The following COLGALT1 variants were observed in gnomAD, a reference collection of about 807,000 sequenced individuals.
COLGALT1 encodes collagen beta(1-O)galactosyltransferase 1.
Under a neutral mutation model 60.8 loss-of-function variants are expected in COLGALT1, and 43 were observed. The observed-to-expected ratio is 0.71, with a 90% CI of 0.55 to 0.91. COLGALT1 has a LOEUF of 0.91. Among genes scored for constraint, COLGALT1 ranks in the 40% least tolerant of loss-of-function variants. The probability of loss-of-function intolerance (pLI) is 0.00; values close to 1 mark genes in which losing one functional copy is unlikely to be tolerated. For synonymous variants in COLGALT1, 369 were observed against 374.2 expected, an observed-to-expected ratio of 0.99 and a Z score of 0.16; for missense variants, 845 against 880.0, an observed-to-expected ratio of 0.96 and a Z score of 0.50.
intron 5 of COLGALT1, among the ~76,000 whole-genome samples, chr19:17,572,121 C>A (rs2076316270): frequency 6.6e-6 from 1 of 152,008 alleles, no homozygotes; most frequent in Non-Finnish European, 1.5e-5. Context: ...ACCATCCTGG[C>A]TAACATGATG....
intron 11 of COLGALT1, 94 bp downstream of exon 11, chr19:17,580,999 CTCT>C (rs1008827364): frequency 2.7e-6 from 4 of 1,487,946 alleles, no homozygotes; most frequent in African/African-American, 1.4e-5. Context: ...GAGAAGATGT[CTCT>C]TCTTTTGCCT....
At chr19:17,575,438 G>A (rs1676227473) in intron 6 of COLGALT1, among the ~76,000 whole-genome samples, 1 of 152,048 alleles carries the variant, frequency 6.6e-6, no homozygotes, top group South Asian at 2.1e-4. Flanking sequence ...TTGGAGATGG[G>A]GTTTCACTGT....
rs2076206764 is a variant in COLGALT1, at chr19:17,555,801, G to T, written c.88G>T (p.Ala30Ser). The T allele has an allele frequency of 2.4e-6, 3 of 1,251,658 alleles. No individual in the cohort carries two copies. The highest frequency in any genetic ancestry group is 2.0e-6 in the Non-Finnish European group (2 of 997,758). The allele number at this position is 1,251,658 out of a possible 1,614,324, so 77.5% of individuals were successfully genotyped here. A position where few individuals can be genotyped will look rare whatever the true frequency, so the allele number is the denominator to read the frequency against. The stretch of plus-strand genomic sequence containing the variant: ...GCTGCTGGCGCCACTGCCGCCGGGG[G>T]CCCCGCCGGGCGCCGACGCCTACTT... The part of the protein sequence containing the change: ...LLLLAPLPPG[A>S]PPGADAYFPE... The change falls in exon 1 of 12, where the codon GCC becomes TCC. Residue 30 changes from alanine (A) to serine (S), a missense_variant. Coordinates refer to ENST00000252599, the MANE Select transcript of COLGALT1 (RefSeq NM_024656.4).
chr19:17,577,869 A>G, intron 8 of COLGALT1, 88 bp from the exon 9 acceptor site: 2 of 1,521,914 alleles, frequency 1.3e-6, no homozygotes, highest in South Asian at 2.5e-5. Flanking sequence ...CAGCTGCTCA[A>G]CGCCGCAGGG....
chr19:17,577,280 G>A lies in COLGALT1; in HGVS notation c.1026+9G>A. 1 of 1,613,028 alleles carries A rather than the reference G, an allele frequency of 6.2e-7. No homozygotes were observed. Among genetic ancestry groups the A allele is most frequent in the Non-Finnish European group, 8.5e-7 (1 of 1,179,648 alleles). On this transcript the variant is annotated intron_variant, in intron 7 of 11. Coordinates refer to ENST00000252599, the MANE Select transcript of COLGALT1 (RefSeq NM_024656.4). ...AGATGGGCTTCGACGAGGTGAGCTG[G>A]GCCTTCCCTGGAGGCGGGGCGGGGG...
chr19:17,559,338 C>G lies in COLGALT1; in HGVS notation c.288C>G (p.Asn96Lys). The G allele has an allele frequency of 6.4e-7, 1 of 1,552,440 alleles. No individual in the cohort carries two copies. Among genetic ancestry groups the G allele is most frequent in the African/African-American group, 1.4e-5 (1 of 73,228 alleles). ...LWVATDHNMD[N>K]TSTVLREWLV... ...TGGCTACGGACCACAACATGGATAACACGTCAACTGTGCTGCGGGAGTGGC... is the reference window on the plus strand; with the variant it reads ...TGGCTACGGACCACAACATGGATAAGACGTCAACTGTGCTGCGGGAGTGGC... Residue 96 changes from asparagine (N) to lysine (K), a missense_variant, in exon 2 of 12, where the codon AAC becomes AAG. Transcript: ENST00000252599.
At position 17,555,760 on chromosome 19, in the gene COLGALT1, T is replaced by C. The variant is rs1465226468; in HGVS notation, c.47T>C (p.Leu16Pro). Residue 16 changes from leucine to proline, a missense_variant, in exon 1 of 12, where the codon CTG becomes CCG. Transcript: ENST00000252599. ...RAGRRRGQPL[L>P]ALLLLLLAPL... ...GGCCGGCGGCGCGGGCAGCCGCTCCTGGCGCTGCTGCTTCTGCTGCTGGCG... is the reference window on the plus strand; with the variant it reads ...GGCCGGCGGCGCGGGCAGCCGCTCCCGGCGCTGCTGCTTCTGCTGCTGGCG... 3.3e-6 allele frequency: 4 copies of C among 1,221,268 alleles called. No individual in the cohort carries two copies. The highest frequency in any genetic ancestry group is 4.1e-6 in the Non-Finnish European group (4 of 981,878). 75.7% of individuals were successfully genotyped at this position (1,221,268 alleles called of 1,614,324 possible). A position where few individuals can be genotyped will look rare whatever the true frequency, so the allele number is the denominator to read the frequency against.
chr19:17,577,134 G>A (rs1382879017), intron 6 of COLGALT1, 61 bp from the exon 7 acceptor site: 6 of 1,540,472 alleles, frequency 3.9e-6, no homozygotes, highest in African/African-American at 2.7e-5. Flanking sequence ...TGGGGAAAGC[G>A]TGTTGGAGAG....
intron 3 of COLGALT1, among the ~76,000 whole-genome samples, chr19:17,564,374 A>T (rs1279923629): frequency 6.6e-6 from 1 of 151,034 alleles, no homozygotes; most frequent in African/African-American, 2.4e-5. Flanking sequence ...TGTGTGTATA[A>T]TATAGATATA....
At chr19:17,577,851 A>C in intron 8 of COLGALT1, 106 bp from the exon 9 acceptor site, 1 of 1,450,264 alleles carries the variant, frequency 6.9e-7, no homozygotes, top group Non-Finnish European at 9.3e-7. Flanking sequence ...GTGCTACAAG[A>C]GGTGGACCAG....
chr19:17,564,779 T>C (rs1020523571), intron 3 of COLGALT1, among the ~76,000 whole-genome samples: 1 of 152,120 alleles, frequency 6.6e-6, no homozygotes, highest in African/African-American at 2.4e-5. Context: ...TTGTTTGTTT[T>C]AATTGAAGTC....
intron 10 of COLGALT1, chr19:17,579,901 G>C (rs572233441): frequency 1.5e-5 from 6 of 404,044 alleles, no homozygotes; most frequent in African/African-American, 4.0e-5. Context: ...CCTTGGAAGC[G>C]TAGCAGGAGG....
rs372215750 is a variant in COLGALT1 at position 17,578,013 on chromosome 19, G to C, written c.1190G>C (p.Arg397Pro). ...ALGIQMLPGY[R>P]DPYHGRPLTK... is the part of the protein sequence containing the mutation. ...GGGATCCAGATGCTGCCTGGCTACC[G>C]GGACCCCTACCACGGCCGGCCCCTC... The change falls in exon 9 of 12, where the codon CGG becomes CCG. Residue 397 changes from arginine to proline, a missense_variant. Arg to Pro is a moderately radical substitution (Grantham distance 103, BLOSUM62 -2). Transcript: ENST00000252599. 1.9e-6 allele frequency: 3 copies of C among 1,612,014 alleles called. No individual in the cohort carries two copies. Among genetic ancestry groups the C allele is most frequent in the Non-Finnish European group, 2.5e-6 (3 of 1,179,354 alleles).
Position 17,581,337 on chromosome 19 carries a change from C to T in COLGALT1, c.1762C>T (p.Arg588Cys), listed in dbSNP as rs151059482. ...TGAGCACGTCAAGACCGACTGGGAC[C>T]GCGCCAAGTCCCAGAAGATGCGGGA... ...NNEHVKTDWDRAKSQKMREQQ... is the reference protein window; with the variant it reads ...NNEHVKTDWDCAKSQKMREQQ... The change falls in exon 12 of 12, where the codon CGC (arginine) becomes TGC (cysteine). Residue 588 changes from arginine to cysteine, a missense_variant. Physicochemically the swap from Arg to Cys is radical, Grantham distance 180. Coordinates refer to ENST00000252599, the MANE Select transcript of COLGALT1 (RefSeq NM_024656.4). The T allele has an allele frequency of 3.0e-4, 484 of 1,613,502 alleles. 1 individual carries two copies. Among genetic ancestry groups the T allele is most frequent in the Admixed American group, 9.7e-4 (58 of 59,994 alleles).
At chr19:17,563,221 C>T (rs2076259629) in intron 3 of COLGALT1, among the ~76,000 whole-genome samples, 2 of 133,184 alleles carry the variant, frequency 1.5e-5, no homozygotes, top group Admixed American at 8.4e-5. Context: ...GACAGTGTCT[C>T]ACTCTGTCGC....
At chr19:17,575,175 A>T (rs2076333845) in intron 6 of COLGALT1, among the ~76,000 whole-genome samples, 1 of 151,798 alleles carries the variant, frequency 6.6e-6, no homozygotes, top group African/African-American at 2.4e-5. Flanking sequence ...CACCTTCCCA[A>T]GTAGCTGAGT....
At chr19:17,567,917 C>G (rs1375232181) in intron 4 of COLGALT1, among the ~76,000 whole-genome samples, 1 of 152,112 alleles carries the variant, frequency 6.6e-6, no homozygotes, top group Admixed American at 6.6e-5. Flanking sequence ...CCACTGCACT[C>G]CAGCCTGGGT....
intron 1 of COLGALT1, among the ~76,000 whole-genome samples, chr19:17,558,187 C>T (rs1337569555): frequency 1.3e-5 from 2 of 151,872 alleles, no homozygotes; most frequent in South Asian, 4.2e-4. Context: ...GATTCACCCG[C>T]CTCGGCCTCC....
In COLGALT1 at chr19:17,582,706, T is replaced by C. The variant is rs1166316062; in HGVS notation, c.*1262T>C. 6.6e-6 allele frequency: 1 copy of C among 152,242 alleles called. No homozygotes were observed. Among genetic ancestry groups the C allele is most frequent in the East Asian group, 1.9e-4 (1 of 5,188 alleles). The allele number at this position is 152,242 out of a possible 1,614,324, so 9.4% of individuals were successfully genotyped here. On this transcript the variant is annotated 3_prime_UTR_variant, in exon 12 of 12. Transcript: ENST00000252599. ...AGTTTGATTCTTCCTGTACCCTCGGTCGTCTGAGCTGTGTGCAGACAACAT... is the reference window on the plus strand; with the variant it reads ...AGTTTGATTCTTCCTGTACCCTCGGCCGTCTGAGCTGTGTGCAGACAACAT...
Sources: allele counts gnomAD v4.1 joint callset (sites outside exome capture counted in the v4.1 genomes callset), GRCh38; gene constraint gnomAD v4.1.1; transcripts MANE v1.5; gene names NCBI Gene and HGNC (gene_info 2026-07-23, HGNC 2026-07-21).